Variants in M6PR observed in about 807,000 individuals in gnomAD.
M6PR encodes mannose-6-phosphate receptor, cation dependent.
M6PR carries 19 observed loss-of-function variants against 33.1 expected under a neutral mutation model. The observed-to-expected ratio is 0.57, with a 90% CI of 0.40 to 0.84. The LOEUF (loss-of-function observed/expected upper bound fraction) is 0.84, where lower values mean the gene tolerates loss of function less well. M6PR is among the 40% of genes least tolerant of loss of function. The probability of loss-of-function intolerance (pLI) is 0.00; values close to 1 mark genes in which losing one functional copy is unlikely to be tolerated. For synonymous variants in M6PR, 111 were observed against 123.4 expected (o/e 0.90, Z 0.67); for missense variants, 295 against 336.0 (o/e 0.88, Z 0.95).
rs143732744 is a variant in M6PR at position 8,941,430 on chromosome 12, A to AT, written c.*387dup. The AT allele has an allele frequency of 1.4e-3, 246 of 180,888 alleles. 1 individual carries two copies. Among genetic ancestry groups the AT allele is most frequent in the East Asian group, 4.0e-3 (27 of 6,808 alleles). 11.2% of individuals were successfully genotyped at this position (180,888 alleles called of 1,614,324 possible). The stretch of plus-strand genomic sequence containing the variant: ...CCCTGTATAAATAATGTTTCTTGGC[A>AT]TTTTTTTTTTAATTAAAGAAATCCA... On this transcript the variant is annotated 3_prime_UTR_variant, in exon 7 of 7. Transcript: ENST00000000412.
In M6PR at chr12:8,943,460, G is replaced by C; in HGVS notation, c.529C>G (p.Leu177Val). The C allele has an allele frequency of 6.2e-7, 1 of 1,614,178 alleles. No individual in the cohort carries two copies. The highest frequency in any genetic ancestry group is 2.2e-5 in the East Asian group (1 of 44,878). Reference sequence around the variant, plus strand: ...TGGGAGATCTCTGGTGAACAGGCCAGGCTGCTATCCATCTCAAAGAGGTAG... The same window carrying C: ...TGGGAGATCTCTGGTGAACAGGCCACGCTGCTATCCATCTCAAAGAGGTAG... ...CFYLFEMDSS[L>V]ACSPEISHLS... Residue 177 changes from leucine to valine, a missense_variant, in exon 5 of 7, where the codon CTG becomes GTG. Coordinates refer to ENST00000000412, the MANE Select transcript of M6PR (RefSeq NM_002355.4).
intron 5 of M6PR, chr12:8,943,164 T>G: frequency 2.3e-6 from 1 of 436,438 alleles, no homozygotes; most frequent in Non-Finnish European, 4.2e-6. Context: ...GTTGGTCAGG[T>G]TGGTCTCAAA....
chr12:8,948,493 T>C (rs1456390760), intron 1 of M6PR, among the ~76,000 whole-genome samples: 1 of 152,164 alleles, frequency 6.6e-6, no homozygotes, highest in Non-Finnish European at 1.5e-5. Context: ...GGAAAACTTA[T>C]AAACATAGGG....
Position 8,942,500 on chromosome 12 carries a change from T to C in M6PR, c.627A>G (p.Leu209=), listed in dbSNP as rs751491407. 1.2e-6 allele frequency: 2 copies of C among 1,614,152 alleles called. No individual in the cohort carries two copies. Among genetic ancestry groups the C allele is most frequent in the Admixed American group, 1.7e-5 (1 of 60,020 alleles). ...LVAVYVVGGF[L]YQRLVVGAKG... ...TGGCTCCCACTACCAGTCGCTGGTA[T>C]AGGAACCCCCCAACAACATAAACAG... is the stretch of plus-strand genomic sequence containing the variant. Residue 209 remains leucine, a synonymous_variant, in exon 6 of 7, where the codon CTA becomes CTG. Transcript: ENST00000000412.
Position 8,941,907 on chromosome 12 carries a change from G to A in M6PR, c.745C>T (p.Arg249Ter). 1.2e-6 allele frequency: 2 copies of A among 1,614,120 alleles called. No individual in the cohort carries two copies. Among genetic ancestry groups the A allele is most frequent in the Non-Finnish European group, 1.7e-6 (2 of 1,180,010 alleles). Residue 249 changes from arginine to a stop codon, truncating the protein, a stop_gained, in exon 7 of 7, where the codon CGA becomes TGA. Coordinates refer to ENST00000000412, the MANE Select transcript of M6PR (RefSeq NM_002355.4). LOFTEE classifies it high-confidence loss of function. Reference sequence around the variant, plus strand: ...CCACGATATGCTGCAGGCACATTTCGAGGTTTAGAACGGCAGACAAAGTCA... The same window carrying A: ...CCACGATATGCTGCAGGCACATTTCAAGGTTTAGAACGGCAGACAAAGTCA... Reference protein sequence around the residue: ...GCDFVCRSKPRNVPAAYRGVG... With the variant: ...GCDFVCRSKP
chr12:8,941,759 C>T lies in M6PR; in HGVS notation c.*59G>A. On this transcript the variant is annotated 3_prime_UTR_variant, in exon 7 of 7. Coordinates refer to ENST00000000412, the MANE Select transcript of M6PR (RefSeq NM_002355.4). ...CTGGAGTTGAGACTGCTTGAGAAAT[C>T]TGGCTGTGTAGCTTTGGTTTGGGGG... 6.2e-7 allele frequency: 1 copy of T among 1,602,890 alleles called. No homozygotes were observed. The highest frequency in any genetic ancestry group is 1.3e-5 in the African/African-American group (1 of 74,870).
chr12:8,946,120 G>A, intron 2 of M6PR, 109 bp downstream of exon 2: 1 of 1,098,324 alleles, frequency 9.1e-7, no homozygotes, highest in Non-Finnish European at 1.3e-6. Context: ...ACTGGGCTGA[G>A]AATTTGCTCT....
intron 1 of M6PR, among the ~76,000 whole-genome samples, chr12:8,947,814 G>C (rs1946120054): frequency 6.7e-6 from 1 of 150,296 alleles, no homozygotes; most frequent in Non-Finnish European, 1.5e-5. Flanking sequence ...TTGGAGATGA[G>C]AGTAGACAGC....
At position 8,949,246 on chromosome 12, in the gene M6PR, C is replaced by T. The variant is rs142315584; in HGVS notation, c.-2+242G>A. On this transcript the variant is annotated intron_variant, in intron 1 of 6. Transcript: ENST00000000412. The surrounding 1 kb of genome is among the most constrained non-coding windows in gnomAD (Gnocchi z 5.6). ...CTCCATACTTGGGGTATTTTCCTTT[C>T]CCTGCTTTCTAAATATCGTAAATCC... Among the ~76,000 whole-genome samples the T allele has an allele frequency of 4.6e-5, 7 of 152,216 alleles. No individual in the cohort carries two copies. Among genetic ancestry groups the T allele is most frequent in the African/African-American group, 1.7e-4 (7 of 41,526 alleles).
intron 1 of M6PR, among the ~76,000 whole-genome samples, chr12:8,948,432 T>A (rs557006355): frequency 8.4e-4 from 128 of 152,354 alleles, no homozygotes; most frequent in Non-Finnish European, 1.5e-3. Context: ...ATTAAATGTG[T>A]GTGAAGTTAC....
rs775009316 is a variant in M6PR, at chr12:8,942,546, TAGAG to T, written c.585-8_585-5del. On this transcript the variant is annotated splice_region_variant and splice_polypyrimidine_tract_variant and intron_variant, in intron 5 of 6. Coordinates refer to ENST00000000412, the MANE Select transcript of M6PR (RefSeq NM_002355.4). ...AACAGCAACCAGTGATGCAAACCTG[TAGAG>T]AGAGAAAGACATCTATACTTAAGAA... 3 of 1,613,936 alleles carry T rather than the reference TAGAG, an allele frequency of 1.9e-6. No individual in the cohort carries two copies. Among genetic ancestry groups the T allele is most frequent in the African/African-American group, 2.7e-5 (2 of 75,024 alleles).
At chr12:8,948,538 C>T (rs1481381276) in intron 1 of M6PR, among the ~76,000 whole-genome samples, 1 of 152,156 alleles carries the variant, frequency 6.6e-6, no homozygotes, top group Non-Finnish European at 1.5e-5. Context: ...AATGGAAGGG[C>T]CCAGTAGCCC....
At chr12:8,942,563 C>G (rs189597229) in intron 5 of M6PR, 21 bp from the exon 6 acceptor site, 3 of 1,611,844 alleles carry the variant, frequency 1.9e-6, no homozygotes, top group Admixed American at 1.7e-5. Flanking sequence ...AGAAAGACAT[C>G]TATACTTAAG....
chr12:8,943,107 CTG>C (rs1946046643), intron 5 of M6PR, among the ~76,000 whole-genome samples: 1 of 152,132 alleles, frequency 6.6e-6, no homozygotes, highest in South Asian at 2.1e-4. Context: ...GCATGTGCCA[CTG>C]TGCTGGCTAA....
chr12:8,942,750 C>A (rs1379777739), intron 5 of M6PR, among the ~76,000 whole-genome samples: 1 of 152,166 alleles, frequency 6.6e-6, no homozygotes, highest in African/African-American at 2.4e-5. Flanking sequence ...AAGGCCCAGA[C>A]AAAATGTGAC....
At chr12:8,942,688 G>T in intron 5 of M6PR, 146 bp from the exon 6 acceptor site, 1 of 848,458 alleles carries the variant, frequency 1.2e-6, no homozygotes, top group Non-Finnish European at 1.8e-6. Context: ...TGAAAAAGGG[G>T]GCTGGTAACT....
intron 3 of M6PR, 76 bp downstream of exon 3, chr12:8,945,342 A>G: frequency 6.6e-7 from 1 of 1,523,672 alleles, no homozygotes; most frequent in Non-Finnish European, 9.0e-7. Context: ...AGAAACGGCC[A>G]AGACATACAG....
intron 5 of M6PR, 21 bp from the exon 6 acceptor site, chr12:8,942,563 C>T (rs189597229): frequency 6.2e-7 from 1 of 1,611,726 alleles, no homozygotes; most frequent in Non-Finnish European, 8.5e-7. Context: ...AGAAAGACAT[C>T]TATACTTAAG....
Position 8,946,695 on chromosome 12 carries a change from C to T in M6PR, c.-1-290G>A, listed in dbSNP as rs750137124. The T allele has an allele frequency of 3.0e-5, 8 of 264,812 alleles. No homozygotes were observed. The South Asian group carries it at 3.5e-4, about 12-fold the overall frequency. 16.4% of individuals were successfully genotyped at this position (264,812 alleles called of 1,614,324 possible). A position where few individuals can be genotyped will look rare whatever the true frequency, so the allele number is the denominator to read the frequency against. On this transcript the variant is annotated intron_variant, in intron 1 of 6. Coordinates refer to ENST00000000412, the MANE Select transcript of M6PR (RefSeq NM_002355.4). ...AGAACTTAAAAAAGAATGATGACAG[C>T]TTGGGTGGAGCCATCCTTGCCTCTT...
Sources: gnomAD v4.1 joint callset for allele counts (sites outside exome capture counted in the v4.1 genomes callset) on GRCh38, gnomAD v4.1.1 for gene constraint, Gnocchi (gnomAD v3.1) non-coding constraint, MANE v1.5 for transcripts, NCBI Gene and HGNC (gene_info 2026-07-23, HGNC 2026-07-21) for gene names.